The following COL22A1 variants were observed in gnomAD, a reference collection of about 807,000 sequenced individuals.
The protein encoded by COL22A1 is collagen type XXII alpha 1 chain.
In COL22A1, 221 loss-of-function variants were observed where a neutral mutation model predicts 248.9. The ratio of observed to expected loss-of-function variants is 0.89; its 90% CI spans 0.80 to 0.99. The LOEUF is 0.99. Ranked by LOEUF, COL22A1 falls within the 50% of genes least tolerant of loss-of-function variation. The probability of loss-of-function intolerance (pLI) is 0.00; values close to 1 mark genes in which losing one functional copy is unlikely to be tolerated. For synonymous variants in COL22A1, 891 were observed against 793.4 expected (o/e 1.12, Z -2.07); for missense variants, 2,240 against 2,179.0 (o/e 1.03, Z -0.56).
At chr8:138,833,193 A>T in intron 4 of COL22A1, 43 bp from the exon 5 acceptor site, 1 of 1,384,828 alleles carries the variant, frequency 7.2e-7, no homozygotes, top group South Asian at 1.2e-5. Context: ...GAGAAGGAAG[A>T]GTATAAGAGA....
intron 6 of COL22A1, among the ~76,000 whole-genome samples, chr8:138,825,045 C>T (rs769088557): frequency 6.6e-6 from 1 of 152,178 alleles, no homozygotes; most frequent in South Asian, 2.1e-4. Context: ...ACTGAGGGGG[C>T]GGTGCAGGCT....
chr8:138,724,414 C>G (rs901863108), intron 25 of COL22A1, among the ~76,000 whole-genome samples: 5 of 152,128 alleles, frequency 3.3e-5, no homozygotes, highest in African/African-American at 9.7e-5. Flanking sequence ...ACCCAGGGAG[C>G]CTTCCCACAG....
At chr8:138,618,653 AT>A (rs869177475) in intron 53 of COL22A1, among the ~76,000 whole-genome samples, 43 of 152,314 alleles carry the variant, frequency 2.8e-4, no homozygotes, top group African/African-American at 9.9e-4. Context: ...CAGGAGGTTG[AT>A]TTTTTAAAAG....
At chr8:138,892,180 A>G (rs897463798) in intron 1 of COL22A1, among the ~76,000 whole-genome samples, 2 of 152,192 alleles carry the variant, frequency 1.3e-5, no homozygotes, top group Non-Finnish European at 2.9e-5. Flanking sequence ...CTCTGCTTCT[A>G]TCTTCTGGAA....
chr8:138,810,158 G>A (rs757273079), intron 9 of COL22A1, among the ~76,000 whole-genome samples: 2 of 152,156 alleles, frequency 1.3e-5, no homozygotes, highest in Non-Finnish European at 2.9e-5. Flanking sequence ...GAAGGAGGAA[G>A]GAAGGAGAGG....
intron 15 of COL22A1, 43 bp from the exon 16 acceptor site, chr8:138,776,053 G>T (rs752369890): frequency 6.3e-7 from 1 of 1,599,678 alleles, no homozygotes; most frequent in South Asian, 1.1e-5. Flanking sequence ...TCTTAATCTG[G>T]CTTCTCTGTG....
At chr8:138,861,833 T>A (rs992236104) in intron 3 of COL22A1, among the ~76,000 whole-genome samples, 1 of 151,986 alleles carries the variant, frequency 6.6e-6, no homozygotes, top group African/African-American at 2.4e-5. Context: ...TTGCAAAAAA[T>A]TCATCAAGCC....
At chr8:138,792,571 T>C (rs1816159039) in intron 12 of COL22A1, among the ~76,000 whole-genome samples, 1 of 152,270 alleles carries the variant, frequency 6.6e-6, no homozygotes, top group South Asian at 2.1e-4. Flanking sequence ...GTGAAAGTAC[T>C]GAGTCCATTC....
chr8:138,712,516 T>C (rs1829055291), intron 30 of COL22A1, among the ~76,000 whole-genome samples: 1 of 152,178 alleles, frequency 6.6e-6, no homozygotes, highest in Non-Finnish European at 1.5e-5. Context: ...GTGTATGTGT[T>C]CTACCAGCAG....
At chr8:138,785,372 G>C (rs1261475489) in intron 12 of COL22A1, among the ~76,000 whole-genome samples, 3 of 151,260 alleles carry the variant, frequency 2.0e-5, no homozygotes, top group African/African-American at 7.4e-5. Flanking sequence ...CATTTCCAGG[G>C]ACACCAGTCC....
chr8:138,839,051 C>T (rs894219131), intron 4 of COL22A1, among the ~76,000 whole-genome samples: 1 of 152,174 alleles, frequency 6.6e-6, no homozygotes, highest in African/African-American at 2.4e-5. Flanking sequence ...GTTTATGGGG[C>T]TGCCTCCTCC....
Position 138,655,940 on chromosome 8 carries a change from A to G in COL22A1, c.3290T>C (p.Leu1097Pro). Residue 1097 changes from leucine (L) to proline (P), a missense_variant, in exon 45 of 65, where the codon CTC (leucine) becomes CCC (proline). Physicochemically the swap from Leu to Pro is moderately conservative, Grantham distance 98 (BLOSUM62 -3). Transcript: ENST00000303045. Reference protein sequence around the residue: ...GERGPPGKPGLSSLLSPGDIN... With the variant: ...GERGPPGKPGPSSLLSPGDIN... ...GTCCCCTGGAGACAGTAGTGAAGAGAGGCCCTGTCAAAATAAAAAGAAACA... is the reference window on the plus strand; with the variant it reads ...GTCCCCTGGAGACAGTAGTGAAGAGGGGCCCTGTCAAAATAAAAAGAAACA... 6.2e-7 allele frequency: 1 copy of G among 1,611,334 alleles called. No homozygotes were observed. The highest frequency in any genetic ancestry group is 8.5e-7 in the Non-Finnish European group (1 of 1,177,788).
intron 18 of COL22A1, 80 bp from the exon 19 acceptor site, chr8:138,755,909 T>C: frequency 7.8e-7 from 1 of 1,276,978 alleles, no homozygotes; most frequent in Non-Finnish European, 1.1e-6. Flanking sequence ...AGGCTTATTC[T>C]TGTGGGCCCA....
intron 3 of COL22A1, among the ~76,000 whole-genome samples, chr8:138,869,811 C>T (rs920639732): frequency 9.9e-5 from 15 of 152,200 alleles, no homozygotes; most frequent in African/African-American, 1.9e-4. Context: ...CAGACCTCTA[C>T]GTGGCGGCTC....
Position 138,751,609 on chromosome 8 carries a change from T to G in COL22A1, c.2032-98A>C, listed in dbSNP as rs757831968. 2.8e-4 allele frequency: 223 copies of G among 798,886 alleles called. 1 individual carries two copies. The highest frequency in any genetic ancestry group is 4.2e-4 in the Non-Finnish European group (208 of 493,582). 49.5% of individuals were successfully genotyped at this position (798,886 alleles called of 1,614,324 possible). ...GCTTTAGAATCTCACCCTCATTGAA[T>G]AGTGTAATACCATCCCATTCTGATG... is the stretch of plus-strand genomic sequence containing the variant. On this transcript the variant is annotated intron_variant, in intron 21 of 64. Coordinates refer to ENST00000303045, the MANE Select transcript of COL22A1 (RefSeq NM_152888.3).
chr8:138,757,022 G>A (rs1419953958), intron 18 of COL22A1, among the ~76,000 whole-genome samples: 6 of 152,206 alleles, frequency 3.9e-5, no homozygotes, highest in Admixed American at 2.6e-4. Flanking sequence ...TTCTCTCCAT[G>A]CTGCCAGTAC....
chr8:138,849,538 C>T (rs1205206099), intron 3 of COL22A1, among the ~76,000 whole-genome samples: 1 of 152,214 alleles, frequency 6.6e-6, no homozygotes, highest in Non-Finnish European at 1.5e-5. Flanking sequence ...AGTTCTTGGC[C>T]ACTGCATGAT....
chr8:138,613,847 A>G lies in COL22A1; in HGVS notation c.3978+20T>C, dbSNP rs755551530. The G allele has an allele frequency of 2.5e-6, 4 of 1,608,194 alleles. No individual in the cohort carries two copies. The Admixed American group carries it at 5.0e-5, about 20-fold the overall frequency. On this transcript the variant is annotated intron_variant, in intron 56 of 64. Transcript: ENST00000303045. ...GTCCTGTAATAACATGAAGCACATT[A>G]GTCGCAAAGCAAAACTCACCGGTGG...
chr8:138,842,614 G>T (rs1337751678), intron 4 of COL22A1, among the ~76,000 whole-genome samples: 1 of 152,154 alleles, frequency 6.6e-6, no homozygotes, highest in Non-Finnish European at 1.5e-5. Context: ...CTGACCAGAA[G>T]GTTTACACCT....
Sources: gnomAD v4.1 joint callset for allele counts (sites outside exome capture counted in the v4.1 genomes callset) on GRCh38, gnomAD v4.1.1 for gene constraint, MANE v1.5 for transcripts, NCBI Gene and HGNC (gene_info 2026-07-23, HGNC 2026-07-21) for gene names.